CNTNAP4: variants seen among roughly 807,000 people sequenced by gnomAD.
CNTNAP4 encodes contactin associated protein family member 4.
CNTNAP4 carries 98 observed loss-of-function variants against 148.4 expected under a neutral mutation model. The observed-to-expected ratio is 0.66, with a 90% CI of 0.56 to 0.78. The LOEUF is 0.78. Among genes scored for constraint, CNTNAP4 ranks in the 30% least tolerant of loss-of-function variants. The pLI is 0.00. For synonymous variants in CNTNAP4, 730 were observed against 565.1 expected (o/e 1.29, Z -4.14); for missense variants, 1,935 against 1,565.6 (o/e 1.24, Z -3.98).
chr16:76,502,857 A>C (rs1420651589), intron 15 of CNTNAP4, among the ~76,000 whole-genome samples: 1 of 152,094 alleles, frequency 6.6e-6, no homozygotes, highest in Non-Finnish European at 1.5e-5. Context: ...TCATTTTCTC[A>C]CACAAACGAG....
At chr16:76,547,890 A>T (rs1427269868) in intron 21 of CNTNAP4, among the ~76,000 whole-genome samples, 2 of 152,240 alleles carry the variant, frequency 1.3e-5, no homozygotes, top group Non-Finnish European at 2.9e-5. Context: ...CATCTCAAGG[A>T]TATTTTAAGT....
At chr16:76,280,427 A>C (rs1321375590) in intron 1 of CNTNAP4, among the ~76,000 whole-genome samples, 2 of 152,160 alleles carry the variant, frequency 1.3e-5, no homozygotes. Context: ...TAGATATCTA[A>C]ACTACTAGAC....
At chr16:76,410,352 G>C (rs1009424446) in intron 3 of CNTNAP4, among the ~76,000 whole-genome samples, 2 of 151,740 alleles carry the variant, frequency 1.3e-5, no homozygotes, top group African/African-American at 4.8e-5. Context: ...AGACATCCTA[G>C]CATTAAAAAT....
At chr16:76,373,263 TATATGTGAAATATATTCCACATAA>T (rs1567902341) in intron 3 of CNTNAP4, among the ~76,000 whole-genome samples, 79 of 58,768 alleles carry the variant, frequency 1.3e-3, no homozygotes, top group African/African-American at 3.9e-3. Context: ...ATTCCACATA[TATATGTGAAATATATTCCACATAA>T]ATATGTGAAA....
Position 76,355,392 on chromosome 16 carries a change from G to A in CNTNAP4, c.271G>A (p.Val91Ile). The change falls in exon 3 of 24, where the codon GTC becomes ATC. Residue 91 changes from valine (V) to isoleucine (I), a missense_variant. Val to Ile is a conservative substitution (Grantham distance 29). Coordinates refer to ENST00000611870, the MANE Select transcript of CNTNAP4 (RefSeq NM_033401.5). ...LQIDLGERME[V>I]TAVATQGGYG... ...GATTGACCTTGGAGAGAGAATGGAG[G>A]TCACCGCTGTGGCCACTCAAGGGGG... The A allele has an allele frequency of 6.2e-7, 1 of 1,610,232 alleles. No individual in the cohort carries two copies. Among genetic ancestry groups the A allele is most frequent in the Non-Finnish European group, 8.5e-7 (1 of 1,177,934 alleles).
chr16:76,400,502 T>A (rs1025638578), intron 3 of CNTNAP4, among the ~76,000 whole-genome samples: 2 of 152,204 alleles, frequency 1.3e-5, no homozygotes, highest in African/African-American at 4.8e-5. Flanking sequence ...GTTGTCTGTT[T>A]ATTGATGATT....
intron 2 of CNTNAP4, among the ~76,000 whole-genome samples, chr16:76,319,226 C>T (rs369240779): frequency 1.4e-4 from 21 of 152,156 alleles, no homozygotes; most frequent in African/African-American, 4.8e-4. Flanking sequence ...TCTGTCTCTA[C>T]TACAGATACA....
chr16:76,354,420 T>C (rs1250219334), intron 2 of CNTNAP4, among the ~76,000 whole-genome samples: 3 of 152,184 alleles, frequency 2.0e-5, no homozygotes, highest in African/African-American at 7.2e-5. Flanking sequence ...TTGTATTCTT[T>C]ACTTCTGAGT....
At chr16:76,524,463 A>G (rs1299863983) in intron 17 of CNTNAP4, among the ~76,000 whole-genome samples, 1 of 152,196 alleles carries the variant, frequency 6.6e-6, no homozygotes, top group Non-Finnish European at 1.5e-5. Flanking sequence ...CAAATTTTTC[A>G]GTGAAATATG....
intron 1 of CNTNAP4, among the ~76,000 whole-genome samples, chr16:76,298,486 A>ATGTGTGTGTGTGTGTG (rs3975398): frequency 7.7e-6 from 1 of 129,392 alleles, no homozygotes; most frequent in African/African-American, 3.1e-5. Flanking sequence ...GTGTACATGT[A>ATGTGTGTGTGTGTGTG]TGTGTGTGTG....
chr16:76,471,247 C>G (rs2081363510), intron 10 of CNTNAP4, among the ~76,000 whole-genome samples: 1 of 152,146 alleles, frequency 6.6e-6, no homozygotes, highest in African/African-American at 2.4e-5. Flanking sequence ...CAGCTGCTAT[C>G]CAAGTCCTCA....
At chr16:76,278,388 GT>G (rs1465005983) in intron 1 of CNTNAP4, among the ~76,000 whole-genome samples, 1 of 152,166 alleles carries the variant, frequency 6.6e-6, no homozygotes, top group Non-Finnish European at 1.5e-5. Context: ...CAGTCAGGTG[GT>G]CTTTCAAAAG....
intron 11 of CNTNAP4, among the ~76,000 whole-genome samples, chr16:76,476,450 A>C (rs1053074535): frequency 6.6e-6 from 1 of 152,114 alleles, no homozygotes; most frequent in East Asian, 1.9e-4. Context: ...CCCTGGTTGG[A>C]GTGGGTTGGG....
intron 3 of CNTNAP4, among the ~76,000 whole-genome samples, chr16:76,415,446 TA>T (rs2078939577): frequency 6.6e-6 from 1 of 151,122 alleles, no homozygotes; most frequent in African/African-American, 2.4e-5. Flanking sequence ...GCTTGTAGTG[TA>T]AAAATATCTT....
At chr16:76,531,643 T>C (rs1023726024) in intron 17 of CNTNAP4, among the ~76,000 whole-genome samples, 6 of 152,214 alleles carry the variant, frequency 3.9e-5, no homozygotes, top group South Asian at 2.1e-4. Context: ...CTCATTTTAA[T>C]TGGACACACT....
intron 20 of CNTNAP4, among the ~76,000 whole-genome samples, chr16:76,540,222 G>T (rs1485343882): frequency 2.0e-5 from 3 of 151,998 alleles, no homozygotes; most frequent in African/African-American, 7.2e-5. Flanking sequence ...AATGATATGA[G>T]TCACAGCAAA....
intron 19 of CNTNAP4, 131 bp downstream of exon 19, chr16:76,538,471 A>G: frequency 1.5e-6 from 1 of 654,912 alleles, no homozygotes; most frequent in Non-Finnish European, 2.6e-6. Flanking sequence ...TTTTGTAGTC[A>G]TATTTTTAGT....
At chr16:76,348,666 G>C (rs1965117799) in intron 2 of CNTNAP4, among the ~76,000 whole-genome samples, 1 of 152,148 alleles carries the variant, frequency 6.6e-6, no homozygotes, top group Non-Finnish European at 1.5e-5. Context: ...TTGTCCATGT[G>C]AACAGGAGAC....
At chr16:76,297,869 T>G (rs1469624187) in intron 1 of CNTNAP4, among the ~76,000 whole-genome samples, 1 of 152,350 alleles carries the variant, frequency 6.6e-6, no homozygotes, top group East Asian at 1.9e-4. Context: ...AAAGAAGACC[T>G]GATAAACCAG....
Sources: allele counts gnomAD v4.1 joint callset (sites outside exome capture counted in the v4.1 genomes callset), GRCh38; gene constraint gnomAD v4.1.1; transcripts MANE v1.5; gene names NCBI Gene and HGNC (gene_info 2026-07-23, HGNC 2026-07-21).